Variants in RAD51B observed in about 807,000 individuals in gnomAD.
RAD51B encodes the protein RAD51 paralog B, also known as DNA repair protein RAD51 homolog 2.
A neutral mutation model predicts 42.2 loss-of-function variants in RAD51B; 38 were observed. That is an observed-to-expected ratio of 0.90 (90% CI 0.70 to 1.18). RAD51B has a LOEUF of 1.18. Ranked by LOEUF, RAD51B falls within the 50% of genes most tolerant of loss-of-function variation. The pLI is 0.00. For missense variants in RAD51B, 373 were observed against 400.7 expected (o/e 0.93, Z 0.59); for synonymous variants, 154 against 145.2 (o/e 1.06, Z -0.43).
At chr14:67,921,949 C>T (rs1252766182) in intron 7 of RAD51B, among the ~76,000 whole-genome samples, 1 of 152,050 alleles carries the variant, frequency 6.6e-6, no homozygotes, top group Non-Finnish European at 1.5e-5. Flanking sequence ...CAGTTCCTGC[C>T]GTGTGCTCTG....
intron 5 of RAD51B, among the ~76,000 whole-genome samples, chr14:67,868,846 G>A (rs1356452576): frequency 2.0e-5 from 3 of 152,252 alleles, no homozygotes; most frequent in Non-Finnish European, 4.4e-5. Flanking sequence ...CACACGGCCG[G>A]GTACTCCAGC....
At chr14:67,972,133 T>G (rs1341790103) in intron 7 of RAD51B, among the ~76,000 whole-genome samples, 2 of 151,596 alleles carry the variant, frequency 1.3e-5, no homozygotes, top group African/African-American at 4.8e-5. Flanking sequence ...AATTAACCAG[T>G]AGTACTTCTC....
At chr14:68,669,899 G>A (rs1327905975) in intron 11 of RAD51B, among the ~76,000 whole-genome samples, 1 of 152,222 alleles carries the variant, frequency 6.6e-6, no homozygotes, top group Non-Finnish European at 1.5e-5. Flanking sequence ...TTCCCTGCCT[G>A]TCAGTTTGGA....
intron 10 of RAD51B, among the ~76,000 whole-genome samples, chr14:68,630,137 T>C (rs1892191459): frequency 1.3e-5 from 2 of 151,308 alleles, no homozygotes; most frequent in South Asian, 2.1e-4. Flanking sequence ...GAGTCTCTTC[T>C]CAGTACAGCC....
chr14:68,484,502 C>T (rs1883471198), intron 10 of RAD51B, among the ~76,000 whole-genome samples: 1 of 152,014 alleles, frequency 6.6e-6, no homozygotes, highest in East Asian at 1.9e-4. Context: ...GGACTACAGG[C>T]GCCCACCACC....
chr14:67,999,278 G>T (rs2075438278), intron 7 of RAD51B, among the ~76,000 whole-genome samples: 1 of 151,948 alleles, frequency 6.6e-6, no homozygotes, highest in Non-Finnish European at 1.5e-5. Flanking sequence ...TATTTTTTAT[G>T]GTCATGAGGC....
At chr14:68,016,546 G>T (rs2140340507) in intron 7 of RAD51B, among the ~76,000 whole-genome samples, 1 of 152,192 alleles carries the variant, frequency 6.6e-6, no homozygotes, top group East Asian at 1.9e-4. Flanking sequence ...TTATTTATTG[G>T]TACATTTATA....
chr14:67,905,655 C>CT (rs953616834), intron 7 of RAD51B, among the ~76,000 whole-genome samples: 11 of 151,812 alleles, frequency 7.2e-5, no homozygotes, highest in Non-Finnish European at 1.5e-4. Flanking sequence ...TTCCTAGGTA[C>CT]TTTTTTTGTG....
chr14:68,485,866 G>T (rs1322064489), intron 10 of RAD51B, among the ~76,000 whole-genome samples: 1 of 152,236 alleles, frequency 6.6e-6, no homozygotes, highest in South Asian at 2.1e-4. Flanking sequence ...CTTCATGATG[G>T]TTTTTGGACG....
Position 68,254,029 on chromosome 14 carries a change from A to T in RAD51B, c.757-37855A>T, listed in dbSNP as rs376131822. ...TGATGTGCAGTGTTAGGTGAAGCTC[A>T]TATTTAATTTTTCTATTTGTCAGTG... On this transcript the variant is annotated intron_variant, in intron 7 of 10. Transcript: ENST00000471583. Among the ~76,000 whole-genome samples the T allele has an allele frequency of 1.4e-4, 21 of 152,304 alleles. 1 individual carries two copies. The South Asian group carries it at 4.3e-3, about 32-fold the overall frequency.
intron 5 of RAD51B, among the ~76,000 whole-genome samples, chr14:67,866,788 C>G (rs1249275032): frequency 1.3e-5 from 2 of 152,132 alleles, no homozygotes; most frequent in Admixed American, 1.3e-4. Flanking sequence ...TAATTATTTA[C>G]TTTTTGAATC....
At chr14:68,562,989 G>A (rs1170743863) in intron 10 of RAD51B, 1 of 985,262 alleles carries the variant, frequency 1.0e-6, no homozygotes. Flanking sequence ...GGCTGCTGCC[G>A]GTCCCTCCAG....
Position 67,959,106 on chromosome 14 carries a change from A to G in RAD51B, c.756+71902A>G, listed in dbSNP as rs146744509. 8.1e-3 allele frequency among the ~76,000 whole-genome samples: 1,225 copies of G among 152,142 alleles called. 15 individuals carry two copies. The highest frequency in any genetic ancestry group is 0.028 in the African/African-American group (1,148 of 41,492). On this transcript the variant is annotated intron_variant, in intron 7 of 10. Coordinates refer to ENST00000471583, the MANE Select transcript of RAD51B (RefSeq NM_133510.4). ...CTACTTCTTGTATTATTTGATTTCT[A>G]TGTTCATTTTTATGTTTTATTCTAT...
intron 8 of RAD51B, among the ~76,000 whole-genome samples, chr14:68,329,511 G>A (rs951273479): frequency 3.3e-5 from 5 of 152,230 alleles, no homozygotes; most frequent in Non-Finnish European, 7.4e-5. Context: ...GTTCCAGAGA[G>A]CATGATAATA....
At chr14:68,354,281 A>T (rs1259909604) in intron 8 of RAD51B, among the ~76,000 whole-genome samples, 1 of 138,246 alleles carries the variant, frequency 7.2e-6, no homozygotes, top group African/African-American at 2.8e-5. Context: ...CAAGGGCACG[A>T]TTTCGGCTCA....
At chr14:68,562,899 T>G (rs1185822250) in intron 10 of RAD51B, 1 of 985,314 alleles carries the variant, frequency 1.0e-6, no homozygotes, top group Admixed American at 6.1e-5. Flanking sequence ...ACCTTCTGGA[T>G]GGAGCCCATT....
intron 9 of RAD51B, among the ~76,000 whole-genome samples, chr14:68,455,830 C>T (rs2085671896): frequency 6.6e-6 from 1 of 151,932 alleles, no homozygotes; most frequent in Admixed American, 6.6e-5. Flanking sequence ...TTTTCCTCTC[C>T]CATCTGATTT....
At chr14:68,562,883 C>T in intron 10 of RAD51B, 5 of 985,444 alleles carry the variant, frequency 5.1e-6, no homozygotes, top group Non-Finnish European at 6.0e-6. Context: ...TCAGAAACCT[C>T]TGGGCACCTT....
chr14:68,625,770 G>C (rs902652039), intron 10 of RAD51B, among the ~76,000 whole-genome samples: 1 of 152,166 alleles, frequency 6.6e-6, no homozygotes, highest in Non-Finnish European at 1.5e-5. Flanking sequence ...AGCTGCTCCT[G>C]GTATCTCTAT....
Sources: allele counts gnomAD v4.1 joint callset (sites outside exome capture counted in the v4.1 genomes callset), GRCh38; gene constraint gnomAD v4.1.1; transcripts MANE v1.5; gene names NCBI Gene and HGNC (gene_info 2026-07-23, HGNC 2026-07-21).